SGMS2: variants seen among roughly 807,000 people sequenced by gnomAD.
SGMS2 encodes the protein phosphatidylcholine:ceramide cholinephosphotransferase 2.
In SGMS2, 21 loss-of-function variants were observed where a neutral mutation model predicts 43.8. That is an observed-to-expected ratio of 0.48 (90% CI 0.34 to 0.69). The LOEUF (loss-of-function observed/expected upper bound fraction) is 0.69, where lower values mean the gene tolerates loss of function less well. SGMS2 is among the 30% of genes least tolerant of loss of function. SGMS2 has a pLI of 0.01. For missense variants in SGMS2, 384 were observed against 443.2 expected (o/e 0.87, Z 1.20); for synonymous variants, 167 against 160.6 (o/e 1.04, Z -0.30).
chr4:107,879,447 T>A (rs1486138328), intron 2 of SGMS2, among the ~76,000 whole-genome samples: 2 of 150,048 alleles, frequency 1.3e-5, no homozygotes, highest in Non-Finnish European at 1.5e-5. Context: ...TCTTTAGAAA[T>A]AATTTATCTT....
At chr4:107,832,619 T>A (rs1233597213) in intron 1 of SGMS2, among the ~76,000 whole-genome samples, 1 of 152,188 alleles carries the variant, frequency 6.6e-6, no homozygotes, top group African/African-American at 2.4e-5. Flanking sequence ...TTTGTGTCTT[T>A]GTGTATGCAA....
At position 107,910,550 on chromosome 4, in the gene SGMS2, C is replaced by T; in HGVS notation, c.1095C>T (p.Thr365=). ...TTGGTGAAGACAATGAGAAATCGAC[C>T]TGAGGAGCAAAACAAAGGCATCAGC... ...QKIGEDNEKS[T] The change falls in exon 7 of 7, where the codon ACC becomes ACT. Residue 365 remains threonine (T), a synonymous_variant. Transcript: ENST00000690982. 1 of 1,613,660 alleles carries T rather than the reference C, an allele frequency of 6.2e-7. No homozygotes were observed. The highest frequency in any genetic ancestry group is 8.5e-7 in the Non-Finnish European group (1 of 1,179,842).
chr4:107,895,891 T>C lies in SGMS2; in HGVS notation c.338T>C (p.Leu113Pro). Reference protein sequence around the residue: ...RVPPKELSPPLPDKFFDYIDR... With the variant: ...RVPPKELSPPPPDKFFDYIDR... ...CCTCCCAAGGAGCTTAGCCCTCCAC[T>C]CCCAGACAAGTTTTTTGATTACATT... is the stretch of plus-strand genomic sequence containing the variant. The change falls in exon 3 of 7, where the codon CTC (leucine) becomes CCC (proline). Residue 113 changes from leucine (L) to proline (P), a missense_variant. Coordinates refer to ENST00000690982, the MANE Select transcript of SGMS2 (RefSeq NM_001375905.1). 6.2e-7 allele frequency: 1 copy of C among 1,613,954 alleles called. No individual in the cohort carries two copies. The highest frequency in any genetic ancestry group is 8.5e-7 in the Non-Finnish European group (1 of 1,179,912).
At chr4:107,884,924 G>A (rs1354166658) in intron 2 of SGMS2, among the ~76,000 whole-genome samples, 1 of 152,032 alleles carries the variant, frequency 6.6e-6, no homozygotes, top group African/African-American at 2.4e-5. Flanking sequence ...AATTAACTGA[G>A]ACCTATCTCA....
At chr4:107,881,481 G>A (rs545933710) in intron 2 of SGMS2, among the ~76,000 whole-genome samples, 79 of 151,784 alleles carry the variant, frequency 5.2e-4, no homozygotes, top group Non-Finnish European at 1.0e-3. Flanking sequence ...ATTTTTATGG[G>A]TACAAAGTAG....
At chr4:107,834,533 A>G (rs746393579) in intron 1 of SGMS2, among the ~76,000 whole-genome samples, 12 of 152,186 alleles carry the variant, frequency 7.9e-5, no homozygotes, top group Non-Finnish European at 1.5e-4. Flanking sequence ...GGTGGAGATT[A>G]TCACTTAATT....
Position 107,846,106 on chromosome 4 carries a change from GT to G in SGMS2, c.-326-12357del, listed in dbSNP as rs200014490. On this transcript the variant is annotated intron_variant, in intron 1 of 6. Transcript: ENST00000690982. ...GATCTAACTAGGGGTGTGGAAAGCT[GT>G]TTTTTTTTATTATTATAATTGTACT... is the stretch of plus-strand genomic sequence containing the variant. Among the ~76,000 whole-genome samples, 9 of 151,094 alleles carry G rather than the reference GT, an allele frequency of 6.0e-5. No individual in the cohort carries two copies. In the South Asian group the frequency reaches 6.3e-4, roughly 11 times the overall value.
chr4:107,913,758 C>T lies in SGMS2; in HGVS notation c.*3205C>T, dbSNP rs1336181998. On this transcript the variant is annotated 3_prime_UTR_variant, in exon 7 of 7. Transcript: ENST00000690982. ...TCATGATCACAATCATTAGTGTCTC[C>T]CTTTATAACGACCTATGTTTTGTTT... 2.0e-5 allele frequency: 3 copies of T among 152,022 alleles called. No individual in the cohort carries two copies. The highest frequency in any genetic ancestry group is 4.4e-5 in the Non-Finnish European group (3 of 67,990). The allele number at this position is 152,022 out of a possible 1,614,324, so 9.4% of individuals were successfully genotyped here.
Position 107,912,771 on chromosome 4 carries a change from T to G in SGMS2, c.*2218T>G, listed in dbSNP as rs1263600626. 1 of 152,182 alleles carries G rather than the reference T, an allele frequency of 6.6e-6. No homozygotes were observed. Among genetic ancestry groups the G allele is most frequent in the Admixed American group, 6.5e-5 (1 of 15,276 alleles). 9.4% of individuals were successfully genotyped at this position (152,182 alleles called of 1,614,324 possible). ...GATTTTAGTCAAGTAATCCAGTTTT[T>G]TTTTAATTTAAAAAAAACCATCACC... On this transcript the variant is annotated 3_prime_UTR_variant, in exon 7 of 7. Coordinates refer to ENST00000690982, the MANE Select transcript of SGMS2 (RefSeq NM_001375905.1).
intron 1 of SGMS2, among the ~76,000 whole-genome samples, chr4:107,844,797 C>T (rs559420444): frequency 1.3e-5 from 2 of 152,282 alleles, no homozygotes; most frequent in East Asian, 3.9e-4. Context: ...AAATGACAGT[C>T]CATCTCTTCA....
chr4:107,826,558 T>C (rs1424270256), intron 1 of SGMS2, among the ~76,000 whole-genome samples: 2 of 152,202 alleles, frequency 1.3e-5, no homozygotes, highest in African/African-American at 2.4e-5. Flanking sequence ...CTTTTTTTTT[T>C]CCTAAAGAAG....
chr4:107,853,780 C>G lies in SGMS2; in HGVS notation c.-326-4692C>G, dbSNP rs75356157. Among the ~76,000 whole-genome samples the G allele has an allele frequency of 1.3e-3, 192 of 152,276 alleles. 2 individuals are homozygous for G. In the East Asian group the frequency reaches 0.025, roughly 20 times the overall value. On this transcript the variant is annotated intron_variant, in intron 1 of 6. Coordinates refer to ENST00000690982, the MANE Select transcript of SGMS2 (RefSeq NM_001375905.1). ...TCTCACTGGAAAGAGACAAGTAAATCTCTACAAATAACTGACCAAAGTTAC... is the reference window on the plus strand; with the variant it reads ...TCTCACTGGAAAGAGACAAGTAAATGTCTACAAATAACTGACCAAAGTTAC...
intron 1 of SGMS2, among the ~76,000 whole-genome samples, chr4:107,831,400 C>A (rs1161937113): frequency 6.6e-6 from 1 of 152,146 alleles, no homozygotes; most frequent in Non-Finnish European, 1.5e-5. Context: ...CACTAGATAC[C>A]CTGGAGCAGC....
chr4:107,906,319 G>A (rs532861892), intron 5 of SGMS2, among the ~76,000 whole-genome samples: 18 of 152,272 alleles, frequency 1.2e-4, no homozygotes, highest in Middle Eastern at 3.4e-3. Flanking sequence ...GACCATTTCG[G>A]GGTTAGCAAG....
intron 1 of SGMS2, among the ~76,000 whole-genome samples, chr4:107,837,157 G>T (rs985272364): frequency 3.3e-5 from 5 of 152,168 alleles, no homozygotes; most frequent in Middle Eastern, 3.4e-3. Flanking sequence ...TTGATTCTGG[G>T]GATTCAGCAG....
chr4:107,840,237 A>C (rs2125997148), intron 1 of SGMS2, among the ~76,000 whole-genome samples: 1 of 152,322 alleles, frequency 6.6e-6, no homozygotes, highest in Admixed American at 6.5e-5. Context: ...AGCAAGTCAA[A>C]AGAACTTTTC....
chr4:107,900,288 T>A (rs1258131409), intron 4 of SGMS2, among the ~76,000 whole-genome samples: 1 of 152,166 alleles, frequency 6.6e-6, no homozygotes, highest in African/African-American at 2.4e-5. Flanking sequence ...ACATTGCTTA[T>A]TCACAGTGGG....
intron 2 of SGMS2, among the ~76,000 whole-genome samples, chr4:107,886,095 A>C (rs1386638187): frequency 2.0e-5 from 3 of 152,184 alleles, no homozygotes; most frequent in Non-Finnish European, 4.4e-5. Context: ...TTTTTCCTGT[A>C]GTCTGATAAA....
chr4:107,852,227 T>C (rs1250489012), intron 1 of SGMS2, among the ~76,000 whole-genome samples: 1 of 151,776 alleles, frequency 6.6e-6, no homozygotes, highest in Non-Finnish European at 1.5e-5. Flanking sequence ...TGCCATCACT[T>C]ACACCCAGCT....
Sources: allele counts gnomAD v4.1 joint callset (sites outside exome capture counted in the v4.1 genomes callset), GRCh38; gene constraint gnomAD v4.1.1; transcripts MANE v1.5; gene names NCBI Gene and HGNC (gene_info 2026-07-23, HGNC 2026-07-21).